Variants in CHRNA10 observed in about 807,000 individuals in gnomAD.
The protein encoded by CHRNA10 is neuronal acetylcholine receptor subunit alpha-10.
A neutral mutation model predicts 36.0 loss-of-function variants in CHRNA10; 31 were observed. The observed-to-expected ratio is 0.86, with a 90% CI of 0.65 to 1.16. CHRNA10 has a LOEUF of 1.16. Ranked by LOEUF, CHRNA10 falls within the 50% of genes most tolerant of loss-of-function variation. CHRNA10 has a pLI of 0.00. For synonymous variants in CHRNA10, 302 were observed against 287.0 expected (o/e 1.05, Z -0.53); for missense variants, 648 against 640.9 (o/e 1.01, Z -0.12).
At chr11:3,670,689 T>G (rs1262612525) in intron 1 of CHRNA10, among the ~76,000 whole-genome samples, 1 of 152,252 alleles carries the variant, frequency 6.6e-6, no homozygotes, top group Non-Finnish European at 1.5e-5. Flanking sequence ...GTTGGAAATC[T>G]GGGAATTATC....
rs779058503 is a variant in CHRNA10 at position 3,669,145 on chromosome 11, G to C, written c.362+51C>G. Reference sequence around the variant, plus strand: ...GGGATCACTACACCCCCACAGCTAAGGGCAAGTCTAGAGAGGGGTAAGAGA... The same window carrying C: ...GGGATCACTACACCCCCACAGCTAACGGCAAGTCTAGAGAGGGGTAAGAGA... On this transcript the variant is annotated intron_variant, in intron 3 of 4. Coordinates refer to ENST00000250699, the MANE Select transcript of CHRNA10 (RefSeq NM_020402.4). 11 of 1,571,510 alleles carry C rather than the reference G, an allele frequency of 7.0e-6. No homozygotes were observed. In the Admixed American group the frequency reaches 1.9e-4, roughly 28 times the overall value.
At chr11:3,667,853 C>T (rs1362409283) in intron 3 of CHRNA10, 89 bp from the exon 4 acceptor site, 7 of 1,175,944 alleles carry the variant, frequency 6.0e-6, no homozygotes, top group African/African-American at 4.9e-5. Flanking sequence ...CCCCCAGGGG[C>T]TGAAAGAAAC....
chr11:3,667,387 C>G lies in CHRNA10; in HGVS notation c.740G>C (p.Cys247Ser). The change falls in exon 4 of 5, where the codon TGC becomes TCC. Residue 247 changes from cysteine to serine, a missense_variant. Cys to Ser is a moderately radical substitution (Grantham distance 112). Coordinates refer to ENST00000250699, the MANE Select transcript of CHRNA10 (RefSeq NM_020402.4). ...AAYVCNLLLP[C>S]VLISLLAPLA... ...CGGCGCAAGCAGCGAGATGAGCACG[C>G]AGGGCAGCAGCAGGTTGCACACGTA... 1 of 1,601,654 alleles carries G rather than the reference C, an allele frequency of 6.2e-7. No homozygotes were observed. Among genetic ancestry groups the G allele is most frequent in the Non-Finnish European group, 8.5e-7 (1 of 1,178,370 alleles).
rs554901073 is a variant in CHRNA10, at chr11:3,670,777, C to T, written c.61+475G>A. Among the ~76,000 whole-genome samples the T allele has an allele frequency of 7.9e-4, 120 of 152,330 alleles. 1 individual carries two copies. The highest frequency in any genetic ancestry group is 1.3e-3 in the Non-Finnish European group (88 of 68,032). On this transcript the variant is annotated intron_variant, in intron 1 of 4. Transcript: ENST00000250699. Reference sequence around the variant, plus strand: ...ATCCTGTCAGATCATTCAAATCCTCCAGATTTTGCGAAACATCGTCTTGAG... The same window carrying T: ...ATCCTGTCAGATCATTCAAATCCTCTAGATTTTGCGAAACATCGTCTTGAG...
rs927695630 is a variant in CHRNA10 at position 3,666,018 on chromosome 11, G to A, written c.*89C>T. The stretch of plus-strand genomic sequence containing the variant: ...TAGGAGCAGTGGGGAGAGACTGGCT[G>A]GCCCAAAGACCAGCAACCACTTGGC... On this transcript the variant is annotated 3_prime_UTR_variant, in exon 5 of 5. Coordinates refer to ENST00000250699, the MANE Select transcript of CHRNA10 (RefSeq NM_020402.4). The A allele has an allele frequency of 1.7e-6, 2 of 1,162,180 alleles. No individual in the cohort carries two copies. The highest frequency in any genetic ancestry group is 1.6e-5 in the South Asian group (1 of 60,640). The allele number at this position is 1,162,180 out of a possible 1,614,324, so 72.0% of individuals were successfully genotyped here.
rs2077654678 is a variant in CHRNA10 at position 3,665,797 on chromosome 11, T to G, written c.*310A>C. 3.6e-6 allele frequency: 1 copy of G among 281,250 alleles called. No homozygotes were observed. Among genetic ancestry groups the G allele is most frequent in the Non-Finnish European group, 6.6e-6 (1 of 150,734 alleles). The allele number at this position is 281,250 out of a possible 1,614,324, so 17.4% of individuals were successfully genotyped here. On this transcript the variant is annotated 3_prime_UTR_variant, in exon 5 of 5. Transcript: ENST00000250699. ...GTTCAGTTTCTCATTATAACCCATG[T>G]GCTCCCCACTGAGAGCTCCAATACC...
rs994827137 is a variant in CHRNA10, at chr11:3,669,181, C to G, written c.362+15G>C. 6.2e-7 allele frequency: 1 copy of G among 1,607,772 alleles called. No homozygotes were observed. Among genetic ancestry groups the G allele is most frequent in the Non-Finnish European group, 8.5e-7 (1 of 1,176,960 alleles). On this transcript the variant is annotated intron_variant, in intron 3 of 4. Coordinates refer to ENST00000250699, the MANE Select transcript of CHRNA10 (RefSeq NM_020402.4). ...GAGAGGGGTAAGAGAGAGGAGGGGC[C>G]CAGATAGGCAGTACTTGTTATAGAG...
In CHRNA10 at chr11:3,666,017, T is replaced by A; in HGVS notation, c.*90A>T. On this transcript the variant is annotated 3_prime_UTR_variant, in exon 5 of 5. Transcript: ENST00000250699. ...TTAGGAGCAGTGGGGAGAGACTGGC[T>A]GGCCCAAAGACCAGCAACCACTTGG... 1.7e-6 allele frequency: 2 copies of A among 1,155,710 alleles called. No individual in the cohort carries two copies. The highest frequency in any genetic ancestry group is 2.4e-6 in the Non-Finnish European group (2 of 835,334). The allele number at this position is 1,155,710 out of a possible 1,614,324, so 71.6% of individuals were successfully genotyped here. A position where few individuals can be genotyped will look rare whatever the true frequency, so the allele number is the denominator to read the frequency against.
In CHRNA10 at chr11:3,671,251, C is replaced by T. The variant is rs775545948; in HGVS notation, c.61+1G>A. ...CAGGGCTGGTGTACTGAGCTTCATACCTGCAGGGAGTAGAAACAGAAGCAG... is the reference window on the plus strand; with the variant it reads ...CAGGGCTGGTGTACTGAGCTTCATATCTGCAGGGAGTAGAAACAGAAGCAG... On this transcript the variant is annotated splice_donor_variant, in intron 1 of 4. Coordinates refer to ENST00000250699, the MANE Select transcript of CHRNA10 (RefSeq NM_020402.4). LOFTEE classifies it high-confidence loss of function. 13 of 1,613,980 alleles carry T rather than the reference C, an allele frequency of 8.1e-6. No individual in the cohort carries two copies. The highest frequency in any genetic ancestry group is 6.7e-5 in the Admixed American group (4 of 60,004).
intron 3 of CHRNA10, 72 bp from the exon 4 acceptor site, chr11:3,667,836 G>A (rs1466740917): frequency 7.5e-6 from 10 of 1,332,942 alleles, no homozygotes; most frequent in Non-Finnish European, 9.8e-6. Flanking sequence ...CGGGAGCCCA[G>A]GGCAGACCCC....
intron 2 of CHRNA10, 167 bp downstream of exon 2, chr11:3,669,629 A>G: frequency 2.1e-6 from 2 of 942,930 alleles, no homozygotes; most frequent in South Asian, 2.9e-5. Context: ...GGCACCCAAT[A>G]CTCAGTACCC....
At chr11:3,670,241 A>G in intron 1 of CHRNA10, among the ~76,000 whole-genome samples, 1 of 152,174 alleles carries the variant, frequency 6.6e-6, no homozygotes, top group South Asian at 2.1e-4. Flanking sequence ...AGGGGCCCAA[A>G]TAAGCCACAA....
intron 3 of CHRNA10, among the ~76,000 whole-genome samples, chr11:3,668,174 CT>C (rs2077684279): frequency 6.6e-6 from 1 of 152,180 alleles, no homozygotes. Flanking sequence ...GAGAGAAATA[CT>C]TTTGAACTAA....
At chr11:3,671,213 C>A (rs995035321) in intron 1 of CHRNA10, 39 bp downstream of exon 1, 7 of 1,599,984 alleles carry the variant, frequency 4.4e-6, no homozygotes, top group Admixed American at 3.3e-5. Context: ...ATAGTAGCAC[C>A]ACCAGGAGAG....
Position 3,671,096 on chromosome 11 carries a change from A to G in CHRNA10, c.61+156T>C, listed in dbSNP as rs2077710338. The G allele has an allele frequency of 9.3e-6, 7 of 754,354 alleles. No homozygotes were observed. In the South Asian group the frequency reaches 1.2e-4, roughly 13 times the overall value. 46.7% of individuals were successfully genotyped at this position (754,354 alleles called of 1,614,324 possible). ...AGGCAAGTCTCCTCTCACGCACTTC[A>G]GCACCCCTCTCCTCCACACTCCCCA... is the stretch of plus-strand genomic sequence containing the variant. On this transcript the variant is annotated intron_variant, in intron 1 of 4. Coordinates refer to ENST00000250699, the MANE Select transcript of CHRNA10 (RefSeq NM_020402.4).
intron 1 of CHRNA10, 94 bp downstream of exon 1, chr11:3,671,158 A>G: frequency 7.7e-7 from 1 of 1,294,466 alleles, no homozygotes; most frequent in Non-Finnish European, 1.1e-6. Context: ...TACTGAGGAG[A>G]AACACAAGAG....
Position 3,669,249 on chromosome 11 carries a change from G to A in CHRNA10, c.309C>T (p.Ala103=). Reference sequence around the variant, plus strand: ...ACACAAGACTGCTGGGGATGCGGATGGCATCCAGGCCACCATAGGCATTGG... The same window carrying A: ...ACACAAGACTGCTGGGGATGCGGATAGCATCCAGGCCACCATAGGCATTGG... ...WDPNAYGGLD[A]IRIPSSLVWR... Residue 103 remains alanine, a synonymous_variant, in exon 3 of 5, where the codon GCC becomes GCT. Coordinates refer to ENST00000250699, the MANE Select transcript of CHRNA10 (RefSeq NM_020402.4). The A allele has an allele frequency of 6.2e-7, 1 of 1,614,066 alleles. No individual in the cohort carries two copies. Among genetic ancestry groups the A allele is most frequent in the African/African-American group, 1.3e-5 (1 of 75,042 alleles).
At position 3,666,122 on chromosome 11, in the gene CHRNA10, C is replaced by T; in HGVS notation, c.1338G>A (p.Leu446=). 1.9e-6 allele frequency: 3 copies of T among 1,558,770 alleles called. No homozygotes were observed. The East Asian group carries it at 6.7e-5, about 35-fold the overall frequency. The change falls in exon 5 of 5, where the codon CTG becomes CTA. Residue 446 remains leucine, a synonymous_variant. Transcript: ENST00000250699. ...SMALVMSLLV[L]VQAL ...GTCCCAGCCCTCACAGGGCCTGCACCAGCACCAGGAGGCTCATGACCAGGG... is the reference window on the plus strand; with the variant it reads ...GTCCCAGCCCTCACAGGGCCTGCACTAGCACCAGGAGGCTCATGACCAGGG...
At chr11:3,669,410 G>C in intron 2 of CHRNA10, 60 bp from the exon 3 acceptor site, 1 of 1,574,610 alleles carries the variant, frequency 6.4e-7, no homozygotes, top group Non-Finnish European at 8.6e-7. Context: ...TGCCCTGTCT[G>C]TGCACACTCC....
Sources: gnomAD v4.1 joint callset for allele counts (sites outside exome capture counted in the v4.1 genomes callset) on GRCh38, gnomAD v4.1.1 for gene constraint, MANE v1.5 for transcripts, NCBI Gene and HGNC (gene_info 2026-07-23, HGNC 2026-07-21) for gene names.